LRRFIP1: variants seen among roughly 807,000 people sequenced by gnomAD.
LRRFIP1 encodes the protein leucine-rich repeat flightless-interacting protein 1.
A neutral mutation model predicts 104.4 loss-of-function variants in LRRFIP1; 62 were observed. The ratio of observed to expected loss-of-function variants is 0.59; its 90% CI spans 0.48 to 0.73. LRRFIP1 has a LOEUF of 0.73. Ranked by LOEUF, LRRFIP1 falls within the 30% of genes least tolerant of loss-of-function variation. LRRFIP1 has a pLI of 0.00. For synonymous variants in LRRFIP1, 300 were observed against 299.0 expected, an observed-to-expected ratio of 1.00 and a Z score of -0.03; for missense variants, 796 against 824.5, an observed-to-expected ratio of 0.97 and a Z score of 0.42.
intron 14 of LRRFIP1, 90 bp downstream of exon 14, chr2:237,751,361 A>G (rs1425948870): frequency 4.8e-6 from 5 of 1,052,278 alleles, no homozygotes; most frequent in African/African-American, 1.6e-5. Context: ...TTCAAAGTGC[A>G]TGCTTACTGT....
intron 1 of LRRFIP1, among the ~76,000 whole-genome samples, chr2:237,652,365 G>A (rs559445729): frequency 1.3e-5 from 2 of 152,320 alleles, no homozygotes; most frequent in African/African-American, 4.8e-5. Context: ...TGCCAGTGCC[G>A]AGAGGTCACA....
intron 1 of LRRFIP1, among the ~76,000 whole-genome samples, chr2:237,630,242 A>T (rs1356835980): frequency 6.6e-6 from 1 of 152,214 alleles, no homozygotes; most frequent in Non-Finnish European, 1.5e-5. Flanking sequence ...GAAAATGAAA[A>T]TCACTATTCA....
chr2:237,692,630 G>A, intron 1 of LRRFIP1: 1 of 1,326,532 alleles, frequency 7.5e-7, no homozygotes, highest in Non-Finnish European at 9.9e-7. Flanking sequence ...GGAGGCGTGG[G>A]GTGGGCTCTG....
intron 19 of LRRFIP1, chr2:237,763,744 A>C: frequency 6.2e-7 from 1 of 1,614,252 alleles, no homozygotes. Context: ...GAGACACATT[A>C]GATTTTGAGG....
chr2:237,716,358 G>GAT (rs2094331301), intron 3 of LRRFIP1, among the ~76,000 whole-genome samples: 1 of 152,156 alleles, frequency 6.6e-6, no homozygotes. Context: ...TACAGAAAAA[G>GAT]ATATGGCTCA....
At chr2:237,632,734 G>A (rs952503410) in intron 1 of LRRFIP1, among the ~76,000 whole-genome samples, 6 of 152,052 alleles carry the variant, frequency 3.9e-5, no homozygotes, top group Admixed American at 1.3e-4. Flanking sequence ...TGGAAACTTC[G>A]CTCTACCTCT....
Position 237,748,377 on chromosome 2 carries a change from C to A in LRRFIP1, c.647C>A (p.Pro216Gln). Residue 216 changes from proline to glutamine, a missense_variant, in exon 12 of 24, where the codon CCA (proline) becomes CAA (glutamine). Transcript: ENST00000308482. ...ARASPVVEER[P>Q]EKDFTEKGSR... is the part of the protein sequence containing the mutation. ...TTTCGTCTACAGGTAGAAGAGAGAC[C>A]AGAAAAAGATTTTACTGAGAAGGTA... 6.2e-7 allele frequency: 1 copy of A among 1,604,942 alleles called. No homozygotes were observed.
intron 1 of LRRFIP1, among the ~76,000 whole-genome samples, chr2:237,694,771 T>C (rs2093052837): frequency 6.6e-6 from 1 of 152,184 alleles, no homozygotes; most frequent in Admixed American, 6.5e-5. Context: ...CCTGGAGCTG[T>C]AGGAGAGGGT....
At chr2:237,730,240 A>G (rs2094939496) in intron 8 of LRRFIP1, among the ~76,000 whole-genome samples, 1 of 152,256 alleles carries the variant, frequency 6.6e-6, no homozygotes, top group South Asian at 2.1e-4. Flanking sequence ...TTTCTTGGGC[A>G]TGGACTAGAC....
intron 3 of LRRFIP1, among the ~76,000 whole-genome samples, chr2:237,715,096 C>G (rs1267243605): frequency 6.6e-6 from 1 of 152,208 alleles, no homozygotes; most frequent in Non-Finnish European, 1.5e-5. Context: ...GGTTAGAGCA[C>G]ACAGGCCTCG....
chr2:237,763,989 C>T, intron 19 of LRRFIP1: 1 of 1,614,138 alleles, frequency 6.2e-7, no homozygotes, highest in Non-Finnish European at 8.5e-7. Context: ...CCAAGTCAGA[C>T]CGTCAGGAAA....
At chr2:237,725,862 C>T (rs527493406) in intron 7 of LRRFIP1, among the ~76,000 whole-genome samples, 43 of 152,338 alleles carry the variant, frequency 2.8e-4, no homozygotes, top group African/African-American at 1.0e-3. Context: ...GACAGGGTTC[C>T]GCCACAGAGC....
chr2:237,715,908 G>A (rs1256590865), intron 3 of LRRFIP1, among the ~76,000 whole-genome samples: 11 of 152,176 alleles, frequency 7.2e-5, no homozygotes, highest in Admixed American at 7.2e-4. Flanking sequence ...CTCTCCCCAG[G>A]AATGACATGG....
At chr2:237,755,802 C>T (rs946637135) in intron 15 of LRRFIP1, among the ~76,000 whole-genome samples, 6 of 152,146 alleles carry the variant, frequency 3.9e-5, no homozygotes, top group East Asian at 1.9e-4. Context: ...GGCATGGAGG[C>T]AGGCGCCTGT....
chr2:237,641,117 A>G (rs1022592352), intron 1 of LRRFIP1, among the ~76,000 whole-genome samples: 15 of 151,554 alleles, frequency 9.9e-5, no homozygotes, highest in African/African-American at 3.6e-4. Context: ...AAAAAATGGT[A>G]TTCCTCCCAG....
intron 11 of LRRFIP1, among the ~76,000 whole-genome samples, chr2:237,745,479 G>T (rs948346457): frequency 6.6e-6 from 1 of 152,158 alleles, no homozygotes; most frequent in Non-Finnish European, 1.5e-5. Context: ...GATAAAAACA[G>T]CAAACTATGG....
intron 19 of LRRFIP1, chr2:237,764,784 T>C (rs1258159617): frequency 1.0e-6 from 1 of 985,844 alleles, no homozygotes; most frequent in Non-Finnish European, 1.2e-6. Flanking sequence ...TCTTTGATCT[T>C]GAACCGATAC....
At chr2:237,733,478 C>T (rs2095104210) in intron 8 of LRRFIP1, among the ~76,000 whole-genome samples, 1 of 152,204 alleles carries the variant, frequency 6.6e-6, no homozygotes, top group South Asian at 2.1e-4. Flanking sequence ...CTGTCTCATC[C>T]CCTGACCCTT....
At chr2:237,764,396 A>G (rs1251841697) in intron 19 of LRRFIP1, 1 of 1,409,704 alleles carries the variant, frequency 7.1e-7, no homozygotes, top group East Asian at 2.7e-5. Flanking sequence ...AGTATCAAAC[A>G]ATAATGTCTA....
Sources: gnomAD v4.1 joint callset for allele counts (sites outside exome capture counted in the v4.1 genomes callset) on GRCh38, gnomAD v4.1.1 for gene constraint, MANE v1.5 for transcripts, NCBI Gene and HGNC (gene_info 2026-07-23, HGNC 2026-07-21) for gene names.